The following DORIP1 variants were observed in gnomAD, a reference collection of about 807,000 sequenced individuals.
DORIP1 encodes the protein dopamine receptor-interacting protein 1.
At chr14:44,904,042 T>C in the DORIP1 span, 12,393 of 984,634 alleles carry the variant, frequency 0.013, 1,160 homozygotes, top group African/African-American at 0.2. Context: ...AGGAAGCAAT[T>C]AGAGTCATAT....
chr14:44,900,437 T>C, the DORIP1 span: 1 of 1,487,970 alleles, frequency 6.7e-7, no homozygotes, highest in Non-Finnish European at 8.9e-7. Flanking sequence ...AAATGTAGGA[T>C]GAAGACACTG....
At chr14:44,900,465 A>G in the DORIP1 span, 2 of 1,546,954 alleles carry the variant, frequency 1.3e-6, no homozygotes, top group African/African-American at 2.8e-5. Flanking sequence ...AGATCAAAGC[A>G]TCAATTAAAA....
At chr14:44,904,475 G>A in the DORIP1 span, 4 of 1,612,002 alleles carry the variant, frequency 2.5e-6, no homozygotes, top group East Asian at 8.9e-5. Flanking sequence ...ATGCAACATT[G>A]GAAATCTGAA....
the DORIP1 span, among the ~76,000 whole-genome samples, chr14:44,897,947 G>T: frequency 6.6e-6 from 1 of 152,230 alleles, no homozygotes; most frequent in Non-Finnish European, 1.5e-5. Context: ...AGTCCTTAGG[G>T]AGTCTGGCGT....
chr14:44,904,274 C>T, the DORIP1 span: 2 of 1,454,560 alleles, frequency 1.4e-6, no homozygotes, highest in Non-Finnish European at 1.8e-6. Flanking sequence ...TAGGTATTAA[C>T]CATTACCTAC....
the DORIP1 span, chr14:44,903,132 C>A: frequency 9.6e-7 from 1 of 1,040,264 alleles, no homozygotes; most frequent in South Asian, 1.4e-5. Context: ...AAGGACTGAG[C>A]TGTAAAATTT....
the DORIP1 span, chr14:44,903,185 A>G: frequency 3.3e-6 from 5 of 1,520,978 alleles, no homozygotes; most frequent in African/African-American, 5.5e-5. Flanking sequence ...CAGTTCTTAC[A>G]TGCATTTAAT....
the DORIP1 span, chr14:44,905,753 GTTATTT>G: frequency 3.0e-6 from 1 of 337,600 alleles, no homozygotes; most frequent in African/African-American, 2.1e-5. Flanking sequence ...TATTTCCTGA[GTTATTT>G]TTATATGAGC....
chr14:44,903,510 C>A, the DORIP1 span: 2 of 1,148,882 alleles, frequency 1.7e-6, no homozygotes, highest in Non-Finnish European at 2.1e-6. Context: ...TTTCCCCCCC[C>A]ACTGCTGAGT....
chr14:44,901,065 C>T, the DORIP1 span: 1 of 1,080,478 alleles, frequency 9.3e-7, no homozygotes, highest in Non-Finnish European at 1.3e-6. Flanking sequence ...AACAAAGGAC[C>T]ACATATGCCA....
the DORIP1 span, chr14:44,897,394 T>A: frequency 6.3e-6 from 1 of 159,590 alleles, no homozygotes; most frequent in Non-Finnish European, 1.4e-5. Context: ...CCGCGGCGGC[T>A]GCCATGGAGG....
chr14:44,902,435 C>T, the DORIP1 span, among the ~76,000 whole-genome samples: 1 of 152,120 alleles, frequency 6.6e-6, no homozygotes, highest in Non-Finnish European at 1.5e-5. Context: ...TCAAGAGATC[C>T]TCCTGTCTCA....
At chr14:44,900,190 A>C in the DORIP1 span, among the ~76,000 whole-genome samples, 1 of 152,108 alleles carries the variant, frequency 6.6e-6, no homozygotes, top group African/African-American at 2.4e-5. Flanking sequence ...AATGTAATTA[A>C]TATAAAGCCT....
the DORIP1 span, among the ~76,000 whole-genome samples, chr14:44,897,766 G>A: frequency 6.6e-6 from 1 of 152,150 alleles, no homozygotes; most frequent in African/African-American, 2.4e-5. Flanking sequence ...TCCCGGGCGC[G>A]GCTGCCCAGG....
chr14:44,905,635 C>A, the DORIP1 span: 1 of 997,562 alleles, frequency 1.0e-6, no homozygotes, highest in Non-Finnish European at 1.4e-6. Flanking sequence ...ACTTGGTATC[C>A]AAGAAAATAG....
At chr14:44,900,278 A>T in the DORIP1 span, 1 of 587,370 alleles carries the variant, frequency 1.7e-6, no homozygotes, top group East Asian at 3.2e-5. Context: ...ATAGTGCGCG[A>T]AAAGTGGCTC....
chr14:44,898,098 G>A, the DORIP1 span, among the ~76,000 whole-genome samples: 1 of 152,170 alleles, frequency 6.6e-6, no homozygotes, highest in Non-Finnish European at 1.5e-5. Context: ...CAAATTGGAG[G>A]GCCCGTAGAG....
chr14:44,900,740 C>T, the DORIP1 span: 12 of 1,613,762 alleles, frequency 7.4e-6, no homozygotes, highest in Admixed American at 1.7e-4. Flanking sequence ...TACAGTTTTA[C>T]AACTGTGAAG....
the DORIP1 span, chr14:44,900,700 G>A: frequency 6.2e-7 from 1 of 1,614,008 alleles, no homozygotes. Context: ...TAGAGAGTTT[G>A]TAGACTGTTT....
Sources: allele counts gnomAD v4.1 joint callset (sites outside exome capture counted in the v4.1 genomes callset), GRCh38; gene constraint gnomAD v4.1.1; transcripts MANE v1.5; gene names NCBI Gene and HGNC (gene_info 2026-07-23, HGNC 2026-07-21).